Variants in GUCY2C observed in about 807,000 individuals in gnomAD.
GUCY2C encodes guanylyl cyclase C.
A neutral mutation model predicts 131.1 loss-of-function variants in GUCY2C; 118 were observed. The ratio of observed to expected loss-of-function variants is 0.90; its 90% CI spans 0.78 to 1.05. The LOEUF (loss-of-function observed/expected upper bound fraction) is 1.05. Ranked by LOEUF, GUCY2C falls within the 50% of genes least tolerant of loss-of-function variation. GUCY2C has a pLI of 0.00. For missense variants in GUCY2C, 1,161 were observed against 1,304.4 expected (o/e 0.89, Z 1.69); for synonymous variants, 452 against 457.8 (o/e 0.99, Z 0.16).
At chr12:14,682,439 C>A (rs1478900081) in intron 4 of GUCY2C, among the ~76,000 whole-genome samples, 1 of 152,160 alleles carries the variant, frequency 6.6e-6, no homozygotes, top group Non-Finnish European at 1.5e-5. Context: ...CGCCTTCTGC[C>A]ATGATTGTAA....
At chr12:14,662,451 G>A (rs1947887873) in intron 10 of GUCY2C, among the ~76,000 whole-genome samples, 3 of 151,984 alleles carry the variant, frequency 2.0e-5, no homozygotes, top group South Asian at 2.1e-4. Context: ...CTGAGGGGCC[G>A]ATCACCTGAG....
chr12:14,694,931 T>A (rs1948630449), intron 1 of GUCY2C, among the ~76,000 whole-genome samples: 1 of 152,146 alleles, frequency 6.6e-6, no homozygotes, highest in South Asian at 2.1e-4. Context: ...TAATGAGAAA[T>A]TTAAAACAAA....
Position 14,696,374 on chromosome 12 carries a change from C to A in GUCY2C, c.75G>T (p.Gln25His), listed in dbSNP as rs755377049. The change falls in exon 1 of 27, where the codon CAG becomes CAT. Residue 25 changes from glutamine to histidine, a missense_variant. Coordinates refer to ENST00000261170, the MANE Select transcript of GUCY2C (RefSeq NM_004963.4). Reference sequence around the variant, plus strand: ...TGCCATTGTGGCAGTTCTGACTCACCTGGGAACTAAAGGACAGCCACCCGG... The same window carrying A: ...TGCCATTGTGGCAGTTCTGACTCACATGGGAACTAAAGGACAGCCACCCGG... Reference protein sequence around the residue: ...FQPGWLSFSSQVSQNCHNGSY... With the variant: ...FQPGWLSFSSHVSQNCHNGSY... The A allele has an allele frequency of 6.2e-7, 1 of 1,614,130 alleles. No individual in the cohort carries two copies. The highest frequency in any genetic ancestry group is 1.7e-5 in the Admixed American group (1 of 60,026).
At chr12:14,675,230 G>GA (rs1338137300) in intron 7 of GUCY2C, among the ~76,000 whole-genome samples, 1 of 97,882 alleles carries the variant, frequency 1.0e-5, no homozygotes, top group Admixed American at 1.1e-4. Flanking sequence ...AAAAAAAAAA[G>GA]AAAAAAAGAA....
chr12:14,684,954 G>A (rs1291379739), intron 3 of GUCY2C, among the ~76,000 whole-genome samples: 1 of 152,070 alleles, frequency 6.6e-6, no homozygotes, highest in Non-Finnish European at 1.5e-5. Context: ...TGGCATTACA[G>A]GCTGGTGCCA....
In GUCY2C at chr12:14,652,991, ATC is replaced by A; in HGVS notation, c.1492_1493del (p.Asp498TyrfsTer24). ...TGCACTGTCGTAGTCTCTGGATTGTATCTCGTCTTTTGTCATCATCGATCTGG... is the reference window on the plus strand; with the variant it reads ...TGCACTGTCGTAGTCTCTGGATTGTATCGTCTTTTGTCATCATCGATCTGG... ...SLKIDDDKRR[D>X]TIQRLRQCKY... On this transcript the variant is annotated frameshift_variant, in exon 13 of 27. Coordinates refer to ENST00000261170, the MANE Select transcript of GUCY2C (RefSeq NM_004963.4). LOFTEE classifies it high-confidence loss of function. 1 of 1,612,304 alleles carries A rather than the reference ATC, an allele frequency of 6.2e-7. No homozygotes were observed. Among genetic ancestry groups the A allele is most frequent in the Non-Finnish European group, 8.5e-7 (1 of 1,178,352 alleles).
chr12:14,638,138 G>A (rs1289278353), intron 19 of GUCY2C, among the ~76,000 whole-genome samples: 3 of 152,148 alleles, frequency 2.0e-5, no homozygotes. Context: ...CTAATCATCA[G>A]GGAAATGCAA....
intron 7 of GUCY2C, among the ~76,000 whole-genome samples, chr12:14,675,513 C>T (rs1165154293): frequency 6.6e-6 from 1 of 152,174 alleles, no homozygotes; most frequent in Non-Finnish European, 1.5e-5. Flanking sequence ...AAACCAAAAA[C>T]AATCCCTGCG....
intron 11 of GUCY2C, among the ~76,000 whole-genome samples, chr12:14,660,302 C>G (rs993483136): frequency 2.0e-5 from 3 of 152,192 alleles, no homozygotes; most frequent in Non-Finnish European, 4.4e-5. Context: ...GGTATTTACT[C>G]ACTCATTTAT....
chr12:14,685,449 C>T (rs962286880), intron 3 of GUCY2C, among the ~76,000 whole-genome samples: 5 of 151,964 alleles, frequency 3.3e-5, no homozygotes, highest in Admixed American at 6.6e-5. Flanking sequence ...TTCTCTGTGT[C>T]GATGAAGCGT....
At chr12:14,668,500 T>G (rs1210546093) in intron 10 of GUCY2C, among the ~76,000 whole-genome samples, 1 of 151,852 alleles carries the variant, frequency 6.6e-6, no homozygotes, top group African/African-American at 2.4e-5. Flanking sequence ...AGATGGGATC[T>G]CACTGTGTTG....
At chr12:14,682,452 T>C (rs1948366669) in intron 4 of GUCY2C, among the ~76,000 whole-genome samples, 1 of 152,232 alleles carries the variant, frequency 6.6e-6, no homozygotes, top group South Asian at 2.1e-4. Context: ...GATTGTAAGT[T>C]TCCTGGGGCC....
chr12:14,646,925 G>A (rs1947534343), intron 15 of GUCY2C, among the ~76,000 whole-genome samples: 1 of 152,122 alleles, frequency 6.6e-6, no homozygotes, highest in South Asian at 2.1e-4. Flanking sequence ...ACTGTGATAA[G>A]TACGAAGAAA....
intron 1 of GUCY2C, among the ~76,000 whole-genome samples, chr12:14,694,007 T>C (rs554174805): frequency 3.3e-5 from 5 of 152,208 alleles, no homozygotes; most frequent in African/African-American, 1.2e-4. Context: ...CAGCAACAAC[T>C]ACCATTTATT....
intron 1 of GUCY2C, among the ~76,000 whole-genome samples, chr12:14,693,789 G>C (rs552369335): frequency 4.6e-5 from 7 of 152,326 alleles, no homozygotes; most frequent in East Asian, 3.9e-4. Flanking sequence ...CAAATGACTT[G>C]AGTGAAACTC....
chr12:14,681,379 A>C lies in GUCY2C; in HGVS notation c.710T>G (p.Met237Arg), dbSNP rs61735493. The C allele has an allele frequency of 6.2e-7, 1 of 1,612,882 alleles. No homozygotes were observed. Among genetic ancestry groups the C allele is most frequent in the South Asian group, 1.1e-5 (1 of 91,034 alleles). ...RQDKEFQDILMDHNRKSNVII... is the reference protein window; with the variant it reads ...RQDKEFQDILRDHNRKSNVII... Reference sequence around the variant, plus strand: ...ACCATTGCTTTTCCTGTTGTGGTCCATTAAGATATCCTGAAACTCCTTATC... The same window carrying C: ...ACCATTGCTTTTCCTGTTGTGGTCCCTTAAGATATCCTGAAACTCCTTATC... Residue 237 changes from methionine to arginine, a missense_variant, in exon 5 of 27, where the codon ATG (methionine) becomes AGG (arginine). Coordinates refer to ENST00000261170, the MANE Select transcript of GUCY2C (RefSeq NM_004963.4).
intron 17 of GUCY2C, among the ~76,000 whole-genome samples, chr12:14,642,926 A>G (rs1947438641): frequency 6.6e-6 from 1 of 152,210 alleles, no homozygotes; most frequent in South Asian, 2.1e-4. Context: ...GTTTGGATCT[A>G]GGTAGTATTT....
chr12:14,672,941 T>G lies in GUCY2C; in HGVS notation c.1102A>C (p.Thr368Pro). Residue 368 changes from threonine (T) to proline (P), a missense_variant, in exon 9 of 27, where the codon ACC (threonine) becomes CCC (proline). Thr to Pro is a conservative substitution (Grantham distance 38). Transcript: ENST00000261170. ...LTFEGYDGPV[T>P]LDDWGDVDST... The stretch of plus-strand genomic sequence containing the variant: ...TCAACATCCCCCCAGTCATCCAAGG[T>G]CACTGGACCGTCATACCCTAGGGCA... 6.2e-7 allele frequency: 1 copy of G among 1,603,948 alleles called. No individual in the cohort carries two copies. The highest frequency in any genetic ancestry group is 8.5e-7 in the Non-Finnish European group (1 of 1,170,694).
rs1429357130 is a variant in GUCY2C at position 14,637,552 on chromosome 12, A to G, written c.2157+2310T>C. Among the ~76,000 whole-genome samples the G allele has an allele frequency of 3.3e-5, 5 of 152,340 alleles. No homozygotes were observed. The South Asian group carries it at 6.2e-4, about 19-fold the overall frequency. ...ATTTCAAAATGTTCTATAAAGTTGC[A>G]GTAACCAAAACAACCTGTTACTGGC... is the stretch of plus-strand genomic sequence containing the variant. On this transcript the variant is annotated intron_variant, in intron 19 of 26. Transcript: ENST00000261170.
Sources: gnomAD v4.1 joint callset for allele counts (sites outside exome capture counted in the v4.1 genomes callset) on GRCh38, gnomAD v4.1.1 for gene constraint, MANE v1.5 for transcripts, NCBI Gene and HGNC (gene_info 2026-07-23, HGNC 2026-07-21) for gene names.